The following SLCO3A1 variants were observed in gnomAD, a reference collection of about 807,000 sequenced individuals.
SLCO3A1 encodes the protein PGE1 transporter.
In SLCO3A1, 27 loss-of-function variants were observed where a neutral mutation model predicts 63.1. The observed-to-expected ratio is 0.43, with a 90% CI of 0.32 to 0.59. SLCO3A1 has a LOEUF of 0.59. Among genes scored for constraint, SLCO3A1 ranks in the 20% least tolerant of loss-of-function variants. The pLI, the probability that SLCO3A1 is intolerant of heterozygous loss-of-function variation, is 0.09. For synonymous variants in SLCO3A1, 473 were observed against 409.9 expected (o/e 1.15, Z -1.86); for missense variants, 773 against 945.8 (o/e 0.82, Z 2.40).
At chr15:92,150,361 G>T (rs2048288756) in intron 8 of SLCO3A1, among the ~76,000 whole-genome samples, 2 of 152,096 alleles carry the variant, frequency 1.3e-5, no homozygotes, top group African/African-American at 4.8e-5. Context: ...CACCCTCACA[G>T]ACACACCCAG....
chr15:92,022,376 C>T (rs1396712794), intron 2 of SLCO3A1, among the ~76,000 whole-genome samples: 2 of 152,006 alleles, frequency 1.3e-5, no homozygotes, highest in Non-Finnish European at 2.9e-5. Context: ...CTTGTAAGGA[C>T]CAAGGGTAAT....
chr15:92,015,955 GTGGTTGGTCAC>G (rs1334041119), intron 2 of SLCO3A1, among the ~76,000 whole-genome samples: 2 of 152,210 alleles, frequency 1.3e-5, no homozygotes, highest in African/African-American at 4.8e-5. Context: ...GATTTGGCAT[GTGGTTGGTCAC>G]CAAATGAATT....
chr15:91,970,005 T>C (rs1451485525), intron 2 of SLCO3A1, among the ~76,000 whole-genome samples: 1 of 152,132 alleles, frequency 6.6e-6, no homozygotes, highest in African/African-American at 2.4e-5. Flanking sequence ...AGCAAGGAAG[T>C]GTAGTGTTTT....
At chr15:91,984,454 AT>A (rs1847789830) in intron 2 of SLCO3A1, among the ~76,000 whole-genome samples, 1 of 152,214 alleles carries the variant, frequency 6.6e-6, no homozygotes, top group African/African-American at 2.4e-5. Flanking sequence ...AGATAAGATG[AT>A]GTATTTATGC....
chr15:92,047,457 T>A (rs1372276648), intron 2 of SLCO3A1, among the ~76,000 whole-genome samples: 1 of 37,922 alleles, frequency 2.6e-5, no homozygotes, highest in Non-Finnish European at 5.1e-5. Context: ...AATATATAAA[T>A]ATATATAATA....
rs117772688 is a variant in SLCO3A1 at position 92,009,479 on chromosome 15, G to A, written c.647-85402G>A. Among the ~76,000 whole-genome samples, 549 of 152,284 alleles carry A rather than the reference G, an allele frequency of 3.6e-3. 1 individual carries two copies. The highest frequency in any genetic ancestry group is 6.2e-3 in the Admixed American group (95 of 15,292). On this transcript the variant is annotated intron_variant, in intron 2 of 9. Transcript: ENST00000318445. ...GCCAACTCGAGAATGTCTCCAGCAC[G>A]GCCTGATGCTTGTTGTACAGCCTGT...
chr15:92,138,656 A>C (rs1447240038), intron 7 of SLCO3A1, among the ~76,000 whole-genome samples: 1 of 43,358 alleles, frequency 2.3e-5, no homozygotes, highest in Non-Finnish European at 3.6e-5. Flanking sequence ...TTCCTTGAGC[A>C]GTGGTTTGTA....
In SLCO3A1 at chr15:92,108,621, C is replaced by A. The variant is rs992451582; in HGVS notation, c.1009+4079C>A. 3.9e-5 allele frequency among the ~76,000 whole-genome samples: 6 copies of A among 152,324 alleles called. No individual in the cohort carries two copies. The South Asian group carries it at 8.3e-4, about 21-fold the overall frequency. On this transcript the variant is annotated intron_variant, in intron 4 of 9. Coordinates refer to ENST00000318445, the MANE Select transcript of SLCO3A1 (RefSeq NM_013272.4). ...TTTTGTGCTCCATTGTAAGTTGTCT[C>A]CGGCATCTCTTGCCCTGAGAGGCCT...
At chr15:91,994,040 T>TCATCAGAGA (rs2046160397) in intron 2 of SLCO3A1, among the ~76,000 whole-genome samples, 1 of 152,202 alleles carries the variant, frequency 6.6e-6, no homozygotes, top group South Asian at 2.1e-4. Context: ...GGTTGCAACT[T>TCATCAGAGA]CATCAGAGAC....
intron 9 of SLCO3A1, among the ~76,000 whole-genome samples, chr15:92,155,672 T>C (rs1361982328): frequency 7.2e-6 from 1 of 137,958 alleles, no homozygotes; most frequent in East Asian, 2.0e-4. Flanking sequence ...AGCAAAGCAG[T>C]GGGTTTGAAC....
intron 2 of SLCO3A1, among the ~76,000 whole-genome samples, chr15:91,918,441 C>T (rs905412713): frequency 8.5e-5 from 13 of 152,164 alleles, no homozygotes; most frequent in African/African-American, 1.4e-4. Flanking sequence ...TCCAAAACAT[C>T]GTAGCCCATG....
chr15:91,958,575 G>C (rs1900324104), intron 2 of SLCO3A1, among the ~76,000 whole-genome samples: 1 of 152,162 alleles, frequency 6.6e-6, no homozygotes, highest in Non-Finnish European at 1.5e-5. Flanking sequence ...GGAGGTTTGG[G>C]TGCTCAGTAT....
intron 2 of SLCO3A1, among the ~76,000 whole-genome samples, chr15:91,920,589 G>A (rs1455991658): frequency 6.6e-6 from 1 of 152,154 alleles, no homozygotes; most frequent in East Asian, 1.9e-4. Flanking sequence ...TTAGACATCT[G>A]GGGCAGGAGC....
chr15:92,137,592 T>A lies in SLCO3A1; in HGVS notation c.1512+9103T>A, dbSNP rs186358017. On this transcript the variant is annotated intron_variant, in intron 7 of 9. Coordinates refer to ENST00000318445, the MANE Select transcript of SLCO3A1 (RefSeq NM_013272.4). ...TGAACTAGTTCACAGTCCCACCAAC[T>A]GTGTAAAAGTGTTCCTATTTCTCCA... 1.6e-3 allele frequency among the ~76,000 whole-genome samples: 157 copies of A among 98,568 alleles called. 6 individuals are homozygous for A. The highest frequency in any genetic ancestry group is 6.2e-3 in the East Asian group (19 of 3,050). 64.7% of individuals were successfully genotyped at this position (98,568 alleles called of 152,430 possible). A position where few individuals can be genotyped will look rare whatever the true frequency, so the allele number is the denominator to read the frequency against.
chr15:91,911,999 T>C (rs961108739), intron 1 of SLCO3A1, among the ~76,000 whole-genome samples: 2 of 152,058 alleles, frequency 1.3e-5, no homozygotes, highest in Non-Finnish European at 2.9e-5. Flanking sequence ...TGAATAATCA[T>C]TGTAGAAGCC....
At chr15:92,100,270 T>G (rs761589264) in intron 3 of SLCO3A1, among the ~76,000 whole-genome samples, 6 of 152,182 alleles carry the variant, frequency 3.9e-5, no homozygotes, top group Non-Finnish European at 7.3e-5. Context: ...TCCCTCCGAA[T>G]GAAATGGCAT....
At chr15:91,904,248 A>G (rs1405024180) in intron 1 of SLCO3A1, among the ~76,000 whole-genome samples, 1 of 152,130 alleles carries the variant, frequency 6.6e-6, no homozygotes, top group Non-Finnish European at 1.5e-5. Context: ...TTATTTGGGT[A>G]CTTATCAGTA....
chr15:92,115,858 A>G (rs2151556684), intron 4 of SLCO3A1, among the ~76,000 whole-genome samples: 1 of 148,858 alleles, frequency 6.7e-6, no homozygotes, highest in Non-Finnish European at 1.5e-5. Context: ...TCCCAGATCC[A>G]TGCCAGATCT....
intron 1 of SLCO3A1, among the ~76,000 whole-genome samples, chr15:91,864,808 G>C (rs1490441572): frequency 6.6e-6 from 1 of 152,188 alleles, no homozygotes; most frequent in Non-Finnish European, 1.5e-5. Flanking sequence ...TTTGCACCCG[G>C]TGAGCCCAAC....
Sources: allele counts gnomAD v4.1 joint callset (sites outside exome capture counted in the v4.1 genomes callset), GRCh38; gene constraint gnomAD v4.1.1; transcripts MANE v1.5; gene names NCBI Gene and HGNC (gene_info 2026-07-23, HGNC 2026-07-21).